PDIA5: variants seen among roughly 807,000 people sequenced by gnomAD.
PDIA5 encodes the protein protein disulfide isomerase family A member 5.
PDIA5 carries 58 observed loss-of-function variants against 77.6 expected under a neutral mutation model. The observed-to-expected ratio is 0.75, with a 90% CI of 0.61 to 0.93. The LOEUF (loss-of-function observed/expected upper bound fraction) is 0.93, where lower values mean the gene tolerates loss of function less well. Ranked by LOEUF, PDIA5 falls within the 40% of genes least tolerant of loss-of-function variation. PDIA5 has a pLI of 0.00. For synonymous variants in PDIA5, 250 were observed against 252.1 expected (o/e 0.99, Z 0.08); for missense variants, 630 against 647.7 (o/e 0.97, Z 0.30).
chr3:123,131,601 T>C (rs960446808), intron 11 of PDIA5, among the ~76,000 whole-genome samples: 1 of 148,498 alleles, frequency 6.7e-6, no homozygotes, highest in African/African-American at 2.5e-5. Context: ...TCATCCAGCA[T>C]CTAGAATGCC....
chr3:123,075,908 G>A (rs1171414091), intron 1 of PDIA5, among the ~76,000 whole-genome samples: 1 of 152,182 alleles, frequency 6.6e-6, no homozygotes, highest in Non-Finnish European at 1.5e-5. Flanking sequence ...GCCAGCCGAG[G>A]TGGGTGCTCT....
At chr3:123,117,291 T>G in intron 8 of PDIA5, among the ~76,000 whole-genome samples, 1 of 150,272 alleles carries the variant, frequency 6.7e-6, no homozygotes. Context: ...ACTGAAATTC[T>G]GTACCCACTA....
intron 2 of PDIA5, 77 bp from the exon 3 acceptor site, chr3:123,092,278 C>A: frequency 8.3e-7 from 1 of 1,201,614 alleles, no homozygotes; most frequent in Non-Finnish European, 1.2e-6. Context: ...CATCCTTCCT[C>A]ACCCCTGAGG....
chr3:123,161,271 G>A (rs3828393), intron 15 of PDIA5, 50 bp from the exon 16 acceptor site: 438,109 of 1,588,718 alleles, frequency 0.28, 61,559 homozygotes, highest in South Asian at 0.36. Flanking sequence ...TGGGGTCCAG[G>A]CCTCAGCCTG....
At chr3:123,067,524 GC>G in intron 1 of PDIA5, 1 of 341,950 alleles carries the variant, frequency 2.9e-6, no homozygotes, top group Admixed American at 4.8e-5. Context: ...CGGGCAGGAC[GC>G]CGGCGGGCTG....
At chr3:123,098,386 C>A (rs963689097) in intron 3 of PDIA5, among the ~76,000 whole-genome samples, 2 of 152,156 alleles carry the variant, frequency 1.3e-5, no homozygotes, top group African/African-American at 4.8e-5. Flanking sequence ...CTCATCCCCA[C>A]TTTGATCCCT....
intron 8 of PDIA5, among the ~76,000 whole-genome samples, chr3:123,120,703 G>A (rs1306278849): frequency 2.0e-5 from 3 of 152,116 alleles, no homozygotes; most frequent in African/African-American, 7.2e-5. Flanking sequence ...TTTCCCTTGT[G>A]TCTCAAATGC....
At chr3:123,094,930 G>A (rs1287064751) in intron 3 of PDIA5, among the ~76,000 whole-genome samples, 1 of 152,178 alleles carries the variant, frequency 6.6e-6, no homozygotes, top group Non-Finnish European at 1.5e-5. Flanking sequence ...AGGCCACCCT[G>A]CTTTTCCCTT....
intron 6 of PDIA5, among the ~76,000 whole-genome samples, chr3:123,108,707 G>A (rs1934796062): frequency 6.6e-6 from 1 of 151,606 alleles, no homozygotes. Flanking sequence ...CCAACATGGT[G>A]AAACTCCGTC....
intron 7 of PDIA5, among the ~76,000 whole-genome samples, chr3:123,113,230 T>A (rs1934907997): frequency 6.6e-6 from 1 of 152,184 alleles, no homozygotes; most frequent in African/African-American, 2.4e-5. Flanking sequence ...TATATCAATA[T>A]GCAGTGCGTG....
intron 2 of PDIA5, among the ~76,000 whole-genome samples, chr3:123,090,796 G>A (rs764351863): frequency 3.0e-4 from 45 of 152,164 alleles, no homozygotes; most frequent in Non-Finnish European, 5.4e-4. Flanking sequence ...ACCCGACCCT[G>A]TCTTGAGCCA....
Position 123,146,088 on chromosome 3 carries a change from C to T in PDIA5, c.982-11C>T. ...GGCTGTAATGCATGGTTGGCCTTTC[C>T]CCCATCCCAGAGCTCTGGTGTCCTT... is the stretch of plus-strand genomic sequence containing the variant. On this transcript the variant is annotated splice_polypyrimidine_tract_variant and intron_variant, in intron 12 of 16. Coordinates refer to ENST00000316218, the MANE Select transcript of PDIA5 (RefSeq NM_006810.4). 6.2e-7 allele frequency: 1 copy of T among 1,613,610 alleles called. No individual in the cohort carries two copies. The highest frequency in any genetic ancestry group is 8.5e-7 in the Non-Finnish European group (1 of 1,179,680).
chr3:123,067,530 G>A (rs1186860295), intron 1 of PDIA5: 2 of 334,480 alleles, frequency 6.0e-6, no homozygotes, highest in Admixed American at 9.8e-5. Flanking sequence ...GGACGCCGGC[G>A]GGCTGCGGGG....
intron 5 of PDIA5, among the ~76,000 whole-genome samples, chr3:123,104,072 G>C (rs1307019539): frequency 6.6e-6 from 1 of 152,228 alleles, no homozygotes; most frequent in Non-Finnish European, 1.5e-5. Context: ...GGTGGCCCCA[G>C]CATGCCACTG....
intron 14 of PDIA5, among the ~76,000 whole-genome samples, chr3:123,151,382 C>T (rs1171615620): frequency 6.6e-6 from 1 of 152,262 alleles, no homozygotes; most frequent in Admixed American, 6.5e-5. Context: ...CTGAGCCTTG[C>T]CCAAGGCCAT....
intron 11 of PDIA5, among the ~76,000 whole-genome samples, chr3:123,134,742 C>G (rs971090960): frequency 1.3e-5 from 2 of 152,178 alleles, no homozygotes; most frequent in South Asian, 2.1e-4. Flanking sequence ...GGTGCTAGGC[C>G]CTTCATATGG....
In PDIA5 at chr3:123,067,242, C is replaced by G. The variant is rs1381684628; in HGVS notation, c.42+36C>G. ...GGGGCAGGGATCCGGGCCGGGCCAGCACGTGTGTCCCGCGTGCCCTTCTGC... is the reference window on the plus strand; with the variant it reads ...GGGGCAGGGATCCGGGCCGGGCCAGGACGTGTGTCCCGCGTGCCCTTCTGC... On this transcript the variant is annotated intron_variant, in intron 1 of 16. Transcript: ENST00000316218. 1.6e-6 allele frequency: 2 copies of G among 1,236,782 alleles called. 1 individual carries two copies. Among genetic ancestry groups the G allele is most frequent in the African/African-American group, 3.1e-5 (2 of 64,296 alleles). 76.6% of individuals were successfully genotyped at this position (1,236,782 alleles called of 1,614,324 possible). A position where few individuals can be genotyped will look rare whatever the true frequency, so the allele number is the denominator to read the frequency against.
At chr3:123,137,189 A>G (rs1390250170) in intron 11 of PDIA5, among the ~76,000 whole-genome samples, 3 of 152,216 alleles carry the variant, frequency 2.0e-5, no homozygotes, top group Admixed American at 1.3e-4. Flanking sequence ...CCTTGCAGCC[A>G]TGGATACTAT....
chr3:123,079,296 T>A (rs1165381702), intron 1 of PDIA5, among the ~76,000 whole-genome samples: 1 of 146,854 alleles, frequency 6.8e-6, no homozygotes, highest in Non-Finnish European at 1.5e-5. Flanking sequence ...TTCTCCTGCC[T>A]CAGCTTCCTG....
Sources: allele counts gnomAD v4.1 joint callset (sites outside exome capture counted in the v4.1 genomes callset), GRCh38; gene constraint gnomAD v4.1.1; transcripts MANE v1.5; gene names NCBI Gene and HGNC (gene_info 2026-07-23, HGNC 2026-07-21).